Variants in MDN1 observed in about 807,000 individuals in gnomAD.
MDN1 encodes the protein midasin.
MDN1 carries 266 observed loss-of-function variants against 669.2 expected under a neutral mutation model. The observed-to-expected ratio is 0.40, with a 90% CI of 0.36 to 0.44. MDN1 has a LOEUF of 0.44. MDN1 is among the 20% of genes least tolerant of loss of function. The probability of loss-of-function intolerance (pLI) is 1.00; values close to 1 mark genes in which losing one functional copy is unlikely to be tolerated. For missense variants in MDN1, 5,940 were observed against 6,754.0 expected (o/e 0.88, Z 4.22); for synonymous variants, 2,385 against 2,457.1 (o/e 0.97, Z 0.87).
chr6:89,745,689 G>A, intron 27 of MDN1, 63 bp from the exon 28 acceptor site: 1 of 1,497,728 alleles, frequency 6.7e-7, no homozygotes, highest in Non-Finnish European at 9.1e-7. Flanking sequence ...AACACCAAGG[G>A]ATATGGAGAA....
chr6:89,645,770 G>A (rs1808453497), intron 100 of MDN1, among the ~76,000 whole-genome samples: 1 of 152,184 alleles, frequency 6.6e-6, no homozygotes, highest in Non-Finnish European at 1.5e-5. Context: ...TATAGTACAT[G>A]AGTTGAGGGT....
chr6:89,769,815 A>G (rs1817991255), intron 15 of MDN1, among the ~76,000 whole-genome samples: 1 of 152,248 alleles, frequency 6.6e-6, no homozygotes, highest in Non-Finnish European at 1.5e-5. Flanking sequence ...AATGGCTAAC[A>G]TAACACTACA....
At chr6:89,733,010 T>C (rs1288831714) in intron 33 of MDN1, among the ~76,000 whole-genome samples, 2 of 152,132 alleles carry the variant, frequency 1.3e-5, no homozygotes, top group Non-Finnish European at 2.9e-5. Flanking sequence ...AACAAAACCT[T>C]GGGAGTTATA....
At chr6:89,812,237 G>GC (rs1462448388) in intron 1 of MDN1, among the ~76,000 whole-genome samples, 1 of 151,720 alleles carries the variant, frequency 6.6e-6, no homozygotes, top group African/African-American at 2.4e-5. Context: ...GCCCACCTTG[G>GC]CCCCCTAAAG....
chr6:89,679,836 A>G (rs1252499992), intron 74 of MDN1, among the ~76,000 whole-genome samples: 4 of 152,202 alleles, frequency 2.6e-5, no homozygotes, highest in Non-Finnish European at 5.9e-5. Context: ...GAGTTAGAGG[A>G]TGAGGGAGGC....
chr6:89,692,951 C>T lies in MDN1; in HGVS notation c.10079G>A (p.Arg3360Gln), dbSNP rs374811330. The T allele has an allele frequency of 2.2e-5, 36 of 1,613,948 alleles. No homozygotes were observed. The African/African-American group carries it at 2.5e-4, about 11-fold the overall frequency. ...LLQALHIDGP[R>Q]SAQVAQSLLK... The stretch of plus-strand genomic sequence containing the variant: ...AAGGCTCTGGGCTACTTGGGCAGAC[C>T]GTGGCCCATCTATGTGGAGGGCCTG... Residue 3360 changes from arginine (R) to glutamine (Q), a missense_variant, in exon 63 of 102, where the codon CGG (arginine) becomes CAG (glutamine). Coordinates refer to ENST00000369393, the MANE Select transcript of MDN1 (RefSeq NM_014611.3).
Position 89,751,451 on chromosome 6 carries a change from T to C in MDN1, c.3207A>G (p.Ile1069Met), listed in dbSNP as rs199522772. Residue 1069 changes from isoleucine to methionine, a missense_variant, in exon 23 of 102, where the codon ATA (isoleucine) becomes ATG (methionine). Transcript: ENST00000369393. ...CACACCCTGCAGAGACAACTCGGAC[T>C]ATATCTCTCAGGTTCAGCTTCACAG... Reference protein sequence around the residue: ...TSSVKLNLRDIVRVVSAGTYP... With the variant: ...TSSVKLNLRDMVRVVSAGTYP... 5.9e-5 allele frequency: 96 copies of C among 1,614,076 alleles called. No individual in the cohort carries two copies. Among genetic ancestry groups the C allele is most frequent in the Non-Finnish European group, 8.1e-5 (96 of 1,180,040 alleles).
rs1351017784 is a variant in MDN1, at chr6:89,718,991, G to A, written c.6097C>T (p.His2033Tyr). ...AGCAACAGGGGATGGCGGGACGGGT[G>A]AGGAACACAGCTCCCACGGGAAAGG... Reference protein sequence around the residue: ...SVLSRGSCVPHPSRHPLLLLH... With the variant: ...SVLSRGSCVPYPSRHPLLLLH... Residue 2033 changes from histidine to tyrosine, a missense_variant, in exon 42 of 102, where the codon CAC (histidine) becomes TAC (tyrosine). Around this residue, in one of 5 missense-constraint regions of MDN1, gnomAD observed 2,292 missense variants for 2,638.3 expected, o/e 0.87. Coordinates refer to ENST00000369393, the MANE Select transcript of MDN1 (RefSeq NM_014611.3). The A allele has an allele frequency of 1.2e-6, 2 of 1,614,212 alleles. No homozygotes were observed. The highest frequency in any genetic ancestry group is 8.5e-7 in the Non-Finnish European group (1 of 1,180,032).
chr6:89,813,282 G>A (rs1398402865), intron 1 of MDN1, among the ~76,000 whole-genome samples: 1 of 152,142 alleles, frequency 6.6e-6, no homozygotes, highest in Non-Finnish European at 1.5e-5. Context: ...GGGCGCCGTG[G>A]CTCATGCCTG....
intron 14 of MDN1, 69 bp from the exon 15 acceptor site, chr6:89,771,690 T>G: frequency 7.4e-7 from 1 of 1,350,964 alleles, no homozygotes; most frequent in African/African-American, 1.5e-5. Context: ...GTGTGCTCCT[T>G]AAGGCTGTGG....
chr6:89,819,492 CCTT>C lies in MDN1; in HGVS notation c.102+11_102+13del. The C allele has an allele frequency of 6.2e-7, 1 of 1,603,718 alleles. No homozygotes were observed. Among genetic ancestry groups the C allele is most frequent in the Non-Finnish European group, 8.5e-7 (1 of 1,178,660 alleles). ...CAGTCGTTCCGGCGCTTTCCCTCTC[CCTT>C]CACGTCTTACCTGCTTGGCCAAGAA... On this transcript the variant is annotated intron_variant, in intron 1 of 101. Coordinates refer to ENST00000369393, the MANE Select transcript of MDN1 (RefSeq NM_014611.3).
At chr6:89,716,938 A>C in intron 43 of MDN1, 129 bp from the exon 44 acceptor site, 1 of 1,048,996 alleles carries the variant, frequency 9.5e-7, no homozygotes, top group Non-Finnish European at 1.3e-6. Context: ...AAATAGAAGA[A>C]TGTTTTGCTT....
At chr6:89,648,820 A>AC (rs1808656582) in intron 97 of MDN1, among the ~76,000 whole-genome samples, 2 of 151,068 alleles carry the variant, frequency 1.3e-5, no homozygotes, top group African/African-American at 4.9e-5. Context: ...CTTCAAAAAA[A>AC]AAAAAAAAAA....
At chr6:89,795,357 G>C (rs550460277) in intron 2 of MDN1, among the ~76,000 whole-genome samples, 8 of 152,148 alleles carry the variant, frequency 5.3e-5, no homozygotes, top group African/African-American at 1.9e-4. Flanking sequence ...TGAATCTGGG[G>C]AGAATCAAGA....
chr6:89,784,167 A>T (rs2128325201), intron 9 of MDN1, among the ~76,000 whole-genome samples: 1 of 151,892 alleles, frequency 6.6e-6, no homozygotes, highest in South Asian at 2.1e-4. Context: ...ATACAAAAAA[A>T]ATAGCCAAAA....
intron 19 of MDN1, among the ~76,000 whole-genome samples, chr6:89,756,760 A>G (rs559756614): frequency 1.8e-3 from 272 of 152,194 alleles, no homozygotes; most frequent in Non-Finnish European, 3.3e-3. Context: ...GTCTCTACTA[A>G]AAATACAAGA....
chr6:89,657,681 T>C (rs925095636), intron 90 of MDN1, among the ~76,000 whole-genome samples: 12 of 152,334 alleles, frequency 7.9e-5, no homozygotes, highest in Middle Eastern at 3.4e-3. Context: ...TGCACACCAC[T>C]TAAATACAGC....
intron 22 of MDN1, among the ~76,000 whole-genome samples, chr6:89,752,866 T>C (rs769617893): frequency 2.0e-5 from 3 of 152,174 alleles, no homozygotes; most frequent in Non-Finnish European, 4.4e-5. Context: ...GACTCACGCC[T>C]GTAATCCCAG....
chr6:89,731,808 C>G (rs935379897), intron 34 of MDN1, among the ~76,000 whole-genome samples: 14 of 146,490 alleles, frequency 9.6e-5, no homozygotes, highest in African/African-American at 2.8e-4. Context: ...GCCCCCCCCC[C>G]CCACCTTTTC....
Sources: allele counts gnomAD v4.1 joint callset (sites outside exome capture counted in the v4.1 genomes callset), GRCh38; gene constraint gnomAD v4.1.1; regional missense constraint gnomAD v4.1.1; transcripts MANE v1.5; gene names NCBI Gene and HGNC (gene_info 2026-07-23, HGNC 2026-07-21).